THSD4: variants seen among roughly 807,000 people sequenced by gnomAD.
The protein encoded by THSD4 is thrombospondin type 1 domain containing 4.
In THSD4, 69 loss-of-function variants were observed where a neutral mutation model predicts 119.0. The ratio of observed to expected loss-of-function variants is 0.58; its 90% CI spans 0.48 to 0.71. The LOEUF (loss-of-function observed/expected upper bound fraction) is 0.71, where lower values mean the gene tolerates loss of function less well. THSD4 is among the 30% of genes least tolerant of loss of function. The pLI, the probability that THSD4 is intolerant of heterozygous loss-of-function variation, is 0.00. For missense variants in THSD4, 1,393 were observed against 1,391.1 expected (o/e 1.00, Z -0.02); for synonymous variants, 524 against 540.4 (o/e 0.97, Z 0.42).
At chr15:71,214,878 A>G (rs1211604735) in intron 3 of THSD4, among the ~76,000 whole-genome samples, 157 bp from the exon 4 acceptor site, 2 of 152,326 alleles carry the variant, frequency 1.3e-5, no homozygotes, top group South Asian at 2.1e-4. Flanking sequence ...TCTTTCCTCC[A>G]AAAACCGACT....
intron 7 of THSD4, among the ~76,000 whole-genome samples, chr15:71,439,027 A>G (rs1174414254): frequency 1.3e-5 from 2 of 152,228 alleles, no homozygotes; most frequent in African/African-American, 4.8e-5. Flanking sequence ...GATCTCATGG[A>G]CAGTTGAGGG....
intron 7 of THSD4, among the ~76,000 whole-genome samples, chr15:71,496,123 C>CT (rs2048014021): frequency 2.0e-5 from 3 of 152,198 alleles, no homozygotes; most frequent in Non-Finnish European, 4.4e-5. Flanking sequence ...TGGAACGTCG[C>CT]TTGTTCTAGG....
At chr15:71,182,276 C>T (rs918369349) in intron 3 of THSD4, among the ~76,000 whole-genome samples, 4 of 151,676 alleles carry the variant, frequency 2.6e-5, no homozygotes, top group African/African-American at 4.8e-5. Flanking sequence ...TTCCTTTGGA[C>T]GTTTGTCATT....
rs561635550 is a variant in THSD4 at position 71,554,763 on chromosome 15, G to A, written c.1153-105767G>A. On this transcript the variant is annotated intron_variant, in intron 7 of 17. Transcript: ENST00000261862. ...TTTTGAAGGTTTATTGAACTCAACC[G>A]TAACACCATCCAGCTCTTTAGTGGA... Among the ~76,000 whole-genome samples the A allele has an allele frequency of 1.9e-4, 28 of 150,620 alleles. No homozygotes were observed. The South Asian group carries it at 2.1e-3, about 11-fold the overall frequency.
At chr15:71,582,737 A>G (rs1262136482) in intron 7 of THSD4, among the ~76,000 whole-genome samples, 1 of 152,192 alleles carries the variant, frequency 6.6e-6, no homozygotes, top group Non-Finnish European at 1.5e-5. Flanking sequence ...TGAGAGGATT[A>G]TATAACTAAC....
chr15:71,442,676 A>G (rs1048819236), intron 7 of THSD4, among the ~76,000 whole-genome samples: 13,715 of 87,844 alleles, frequency 0.16, 3,205 homozygotes, highest in East Asian at 0.37. Context: ...ATATATATAT[A>G]TATATATATA....
intron 3 of THSD4, among the ~76,000 whole-genome samples, chr15:71,193,732 G>A (rs1486423935): frequency 6.6e-6 from 1 of 151,908 alleles, no homozygotes; most frequent in Non-Finnish European, 1.5e-5. Context: ...TTTTGAGACG[G>A]AGTCTCGCTC....
chr15:71,311,263 G>T (rs1422005418), intron 6 of THSD4, among the ~76,000 whole-genome samples: 1 of 152,184 alleles, frequency 6.6e-6, no homozygotes, highest in Non-Finnish European at 1.5e-5. Flanking sequence ...CCAGGGAGTT[G>T]TCATAGGCCA....
chr15:71,736,243 C>CTG (rs1370085694), intron 10 of THSD4, among the ~76,000 whole-genome samples: 7 of 150,136 alleles, frequency 4.7e-5, no homozygotes, highest in African/African-American at 1.5e-4. Context: ...TGCTCTCTCT[C>CTG]CATCTCTCTT....
intron 7 of THSD4, among the ~76,000 whole-genome samples, chr15:71,516,012 A>C (rs1284933064): frequency 6.6e-6 from 1 of 152,192 alleles, no homozygotes; most frequent in Non-Finnish European, 1.5e-5. Context: ...ATAATAGAGC[A>C]CTTATCCTGG....
intron 6 of THSD4, among the ~76,000 whole-genome samples, chr15:71,367,650 G>A (rs953440336): frequency 2.0e-5 from 3 of 152,178 alleles, no homozygotes. Flanking sequence ...TCCATGGTGT[G>A]TATGTGCCAC....
At chr15:71,542,521 C>T (rs143726146) in intron 7 of THSD4, among the ~76,000 whole-genome samples, 26 of 152,146 alleles carry the variant, frequency 1.7e-4, no homozygotes, top group African/African-American at 6.0e-4. Flanking sequence ...GGGCATTTTG[C>T]TTCTATAGTA....
chr15:71,383,287 C>A (rs2046250247), intron 6 of THSD4, among the ~76,000 whole-genome samples: 1 of 152,150 alleles, frequency 6.6e-6, no homozygotes, highest in African/African-American at 2.4e-5. Flanking sequence ...GACTTATCCC[C>A]TTTTATCATA....
At chr15:71,109,162 T>C (rs1339855630) in intron 1 of THSD4, among the ~76,000 whole-genome samples, 4 of 152,184 alleles carry the variant, frequency 2.6e-5, no homozygotes, top group African/African-American at 7.2e-5. Flanking sequence ...ACCAGAGGAA[T>C]AGAGGAGCCA....
chr15:71,119,463 T>C (rs1019840861), intron 1 of THSD4, among the ~76,000 whole-genome samples: 2 of 152,182 alleles, frequency 1.3e-5, no homozygotes, highest in African/African-American at 4.8e-5. Context: ...CCAGGCAGCA[T>C]GTTCCTTTTT....
intron 7 of THSD4, among the ~76,000 whole-genome samples, chr15:71,546,099 T>G (rs1258312334): frequency 2.0e-5 from 3 of 152,162 alleles, no homozygotes; most frequent in Non-Finnish European, 4.4e-5. Context: ...TTGATAGTCA[T>G]CATAACCATA....
chr15:71,245,690 T>C (rs1448146066), intron 5 of THSD4, among the ~76,000 whole-genome samples: 1 of 152,172 alleles, frequency 6.6e-6, no homozygotes, highest in Non-Finnish European at 1.5e-5. Flanking sequence ...CCCGGGGTTT[T>C]TACTGAGGGC....
At chr15:71,429,560 G>A (rs2046915753) in intron 7 of THSD4, among the ~76,000 whole-genome samples, 7 of 152,212 alleles carry the variant, frequency 4.6e-5, no homozygotes. Context: ...GCAAATAAGA[G>A]AGCTTCAAAG....
chr15:71,142,201 C>T (rs1421658012), intron 2 of THSD4, among the ~76,000 whole-genome samples: 3 of 151,862 alleles, frequency 2.0e-5, no homozygotes, highest in Non-Finnish European at 4.4e-5. Context: ...CTTTCACCTG[C>T]GTTTTAAAAT....
Sources: gnomAD v4.1 joint callset for allele counts (sites outside exome capture counted in the v4.1 genomes callset) on GRCh38, gnomAD v4.1.1 for gene constraint, MANE v1.5 for transcripts, NCBI Gene and HGNC (gene_info 2026-07-23, HGNC 2026-07-21) for gene names.